NBR1: variants seen among roughly 807,000 people sequenced by gnomAD.
NBR1 encodes the protein next to BRCA1 gene 1 protein.
NBR1 carries 59 observed loss-of-function variants against 115.5 expected under a neutral mutation model. That is an observed-to-expected ratio of 0.51 (90% CI 0.41 to 0.63). NBR1 has a LOEUF of 0.63. Among genes scored for constraint, NBR1 ranks in the 30% least tolerant of loss-of-function variants. The pLI is 0.00. For synonymous variants in NBR1, 373 were observed against 414.7 expected (o/e 0.90, Z 1.22); for missense variants, 1,043 against 1,150.5 (o/e 0.91, Z 1.35).
chr17:43,200,388 A>G lies in NBR1; in HGVS notation c.2248A>G (p.Met750Val), dbSNP rs768729597. ...FDTSRPLGDS[M>V]YSSALSQPGL... is the part of the protein sequence containing the mutation. ...TACCAGCCGCCCCCTGGGGGATTCTATGTACAGCTCTGCGCTCTCACAGCC... is the reference window on the plus strand; with the variant it reads ...TACCAGCCGCCCCCTGGGGGATTCTGTGTACAGCTCTGCGCTCTCACAGCC... The change falls in exon 17 of 21, where the codon ATG becomes GTG. Residue 750 changes from methionine (M) to valine (V), a missense_variant. Coordinates refer to ENST00000590996, the MANE Select transcript of NBR1 (RefSeq NM_005899.5). 33 of 1,588,602 alleles carry G rather than the reference A, an allele frequency of 2.1e-5. No individual in the cohort carries two copies. Among genetic ancestry groups the G allele is most frequent in the Non-Finnish European group, 2.7e-5 (31 of 1,167,804 alleles).
chr17:43,191,764 C>G (rs1368112799), intron 10 of NBR1, among the ~76,000 whole-genome samples, 183 bp downstream of exon 10: 1 of 152,214 alleles, frequency 6.6e-6, no homozygotes. Context: ...CTCTGTCACC[C>G]AGGCGGTAGT....
chr17:43,196,979 T>C lies in NBR1; in HGVS notation c.1899T>C (p.Ile633=). Residue 633 remains isoleucine, a synonymous_variant, in exon 16 of 21, where the codon ATT becomes ATC. Transcript: ENST00000590996. Reference sequence around the variant, plus strand: ...CAGTAAAGAGGAAGGCTGAGAACATTGCTTCTGTGGAGGAAGCAGAAGAAG... The same window carrying C: ...CAGTAAAGAGGAAGGCTGAGAACATCGCTTCTGTGGAGGAAGCAGAAGAAG... ...MVSVKRKAEN[I]ASVEEAEEDL... The C allele has an allele frequency of 6.2e-7, 1 of 1,614,036 alleles. No individual in the cohort carries two copies. The highest frequency in any genetic ancestry group is 8.5e-7 in the Non-Finnish European group (1 of 1,179,898).
intron 16 of NBR1, among the ~76,000 whole-genome samples, chr17:43,199,233 A>G (rs1363424220): frequency 6.6e-6 from 1 of 151,998 alleles, no homozygotes; most frequent in Non-Finnish European, 1.5e-5. Flanking sequence ...TGCTACCACA[A>G]TGAGCTAAAT....
In NBR1 at chr17:43,189,540, C is replaced by T. The variant is rs1052768679; in HGVS notation, c.481-48C>T. ...TCTATTGATATCTTCACATTTTTTT[C>T]TGATATTGGAACTGAGTTTTTTCCC... On this transcript the variant is annotated intron_variant, in intron 7 of 20. Transcript: ENST00000590996. 5.9e-6 allele frequency: 8 copies of T among 1,359,440 alleles called. No individual in the cohort carries two copies. In the Admixed American group the frequency reaches 9.1e-5, roughly 15 times the overall value. 84.2% of individuals were successfully genotyped at this position (1,359,440 alleles called of 1,614,324 possible).
chr17:43,209,720 C>T, intron 20 of NBR1, 181 bp from the exon 21 acceptor site: 1 of 1,530,736 alleles, frequency 6.5e-7, no homozygotes, highest in Non-Finnish European at 8.7e-7. Context: ...ATAGGGCCTT[C>T]CCAGTCCGAA....
chr17:43,173,591 A>C (rs2056431602), intron 1 of NBR1, among the ~76,000 whole-genome samples: 1 of 152,104 alleles, frequency 6.6e-6, no homozygotes, highest in Non-Finnish European at 1.5e-5. Context: ...GGCCTTTATT[A>C]TCATATTTTT....
In NBR1 at chr17:43,186,464, G is replaced by A. The variant is rs376368517; in HGVS notation, c.402+20G>A. ...GTGCAGGTATGAAGGGTATGGCCCAGTCTATCCAATATCGTTTCTTTTTTC... is the reference window on the plus strand; with the variant it reads ...GTGCAGGTATGAAGGGTATGGCCCAATCTATCCAATATCGTTTCTTTTTTC... On this transcript the variant is annotated intron_variant, in intron 6 of 20. Coordinates refer to ENST00000590996, the MANE Select transcript of NBR1 (RefSeq NM_005899.5). 1.8e-4 allele frequency: 271 copies of A among 1,482,134 alleles called. No homozygotes were observed. Among genetic ancestry groups the A allele is most frequent in the Non-Finnish European group, 2.4e-4 (265 of 1,120,722 alleles). The allele number at this position is 1,482,134 out of a possible 1,614,324, so 91.8% of individuals were successfully genotyped here. A position where few individuals can be genotyped will look rare whatever the true frequency, so the allele number is the denominator to read the frequency against.
rs372677092 is a variant in NBR1, at chr17:43,191,592, G to T, written c.1073+11G>T. The T allele has an allele frequency of 6.3e-7, 1 of 1,584,290 alleles. No individual in the cohort carries two copies. The highest frequency in any genetic ancestry group is 1.2e-5 in the South Asian group (1 of 85,826). ...GTCTAATACCCTGATGTAAGCCCAG[G>T]ACTGGGGTGGGAGCCAAAACTTTAG... On this transcript the variant is annotated intron_variant, in intron 10 of 20. Coordinates refer to ENST00000590996, the MANE Select transcript of NBR1 (RefSeq NM_005899.5).
rs905373388 is a variant in NBR1 at position 43,203,766 on chromosome 17, G to A, written c.2707G>A (p.Gly903Arg). Reference protein sequence around the residue: ...AASAYKALFAGPPVTAQPIIS... With the variant: ...AASAYKALFARPPVTAQPIIS... ...CTCTGCATACAAGGCCCTGTTTGCT[G>A]GGCCACCAGTCACTGCACAGGTCAG... Residue 903 changes from glycine to arginine, a missense_variant, in exon 20 of 21, where the codon GGG becomes AGG. Gly to Arg is a moderately radical substitution (Grantham distance 125). Transcript: ENST00000590996. 5 of 1,599,270 alleles carry A rather than the reference G, an allele frequency of 3.1e-6. No individual in the cohort carries two copies. In the African/African-American group the frequency reaches 6.7e-5, roughly 21 times the overall value.
chr17:43,189,587 G>C lies in NBR1; in HGVS notation c.481-1G>C. On this transcript the variant is annotated splice_acceptor_variant, in intron 7 of 20. Coordinates refer to ENST00000590996, the MANE Select transcript of NBR1 (RefSeq NM_005899.5). LOFTEE classifies it high-confidence loss of function. ...TCCCTACCTTCTGCTCCATATTCTA[G>C]TTCAGAGAACAAGTGGTTAACGAAA... The C allele has an allele frequency of 6.2e-7, 1 of 1,612,520 alleles. No individual in the cohort carries two copies. The highest frequency in any genetic ancestry group is 8.5e-7 in the Non-Finnish European group (1 of 1,178,810).
chr17:43,177,836 T>C, intron 2 of NBR1, 100 bp from the exon 3 acceptor site: 1 of 1,073,552 alleles, frequency 9.3e-7, no homozygotes, highest in South Asian at 2.2e-5. Flanking sequence ...TTATGGGTTA[T>C]TAAGGTTGTT....
intron 12 of NBR1, among the ~76,000 whole-genome samples, chr17:43,193,995 T>C (rs1190171226): frequency 6.6e-6 from 1 of 152,232 alleles, no homozygotes; most frequent in Non-Finnish European, 1.5e-5. Flanking sequence ...ATACCCTGTG[T>C]ATGTTCCCTA....
rs560558312 is a variant in NBR1, at chr17:43,179,118, G to A, written c.166-276G>A. ...ACTTGTCCAAATGCACAAAAACTTG[G>A]AAGTAGTAAAGTAGCCGTTCAGTCC... On this transcript the variant is annotated intron_variant, in intron 3 of 20. Coordinates refer to ENST00000590996, the MANE Select transcript of NBR1 (RefSeq NM_005899.5). Among the ~76,000 whole-genome samples the A allele has an allele frequency of 3.0e-4, 46 of 152,304 alleles. 2 individuals are homozygous for A. The South Asian group carries it at 8.1e-3, about 27-fold the overall frequency.
Position 43,206,942 on chromosome 17 carries a change from G to A in NBR1, c.2728-2959G>A, listed in dbSNP as rs140216968. Among the ~76,000 whole-genome samples, 8 of 152,188 alleles carry A rather than the reference G, an allele frequency of 5.3e-5. No individual in the cohort carries two copies. The East Asian group carries it at 7.7e-4, about 15-fold the overall frequency. Reference sequence around the variant, plus strand: ...TAGCCGGACTTGGTGGCGCACACCTGTAGTCCCAGCTACTTGGGGGGCTTA... The same window carrying A: ...TAGCCGGACTTGGTGGCGCACACCTATAGTCCCAGCTACTTGGGGGGCTTA... On this transcript the variant is annotated intron_variant, in intron 20 of 20. Transcript: ENST00000590996.
At chr17:43,188,906 C>T (rs1223094854) in intron 6 of NBR1, 136 bp from the exon 7 acceptor site, 2 of 629,224 alleles carry the variant, frequency 3.2e-6, no homozygotes, top group Non-Finnish European at 5.7e-6. Flanking sequence ...CTTTAGTACG[C>T]CTTCATACTG....
intron 5 of NBR1, among the ~76,000 whole-genome samples, chr17:43,185,794 C>G (rs944322481): frequency 2.0e-5 from 3 of 151,982 alleles, no homozygotes; most frequent in Non-Finnish European, 4.4e-5. Context: ...GTCGGGAGTT[C>G]GAGACCAGCC....
intron 1 of NBR1, among the ~76,000 whole-genome samples, chr17:43,171,703 C>T (rs529422767): frequency 6.6e-6 from 1 of 152,336 alleles, no homozygotes; most frequent in East Asian, 1.9e-4. Flanking sequence ...TCCTTCTCAT[C>T]CCATCCTCGT....
chr17:43,176,656 C>A (rs1340847907), intron 2 of NBR1: 1 of 150,314 alleles, frequency 6.7e-6, no homozygotes, highest in South Asian at 2.1e-4. Flanking sequence ...ACAGTGAGAC[C>A]CGTCTCAAAA....
Position 43,171,684 on chromosome 17 carries a change from ACTT to A in NBR1, c.-10+383_-10+385del, listed in dbSNP as rs1200494500. 3.3e-5 allele frequency among the ~76,000 whole-genome samples: 5 copies of A among 152,154 alleles called. No individual in the cohort carries two copies. In the East Asian group the frequency reaches 7.7e-4, roughly 23 times the overall value. ...ACTCTGCAAGTAAAAAAATGACACT[ACTT>A]ACACATCCTTCTCATCCCATCCTCG... On this transcript the variant is annotated intron_variant, in intron 1 of 20. Transcript: ENST00000590996.
Sources: gnomAD v4.1 joint callset for allele counts (sites outside exome capture counted in the v4.1 genomes callset) on GRCh38, gnomAD v4.1.1 for gene constraint, MANE v1.5 for transcripts, NCBI Gene and HGNC (gene_info 2026-07-23, HGNC 2026-07-21) for gene names.